PDE4D: variants seen among roughly 807,000 people sequenced by gnomAD.
The protein encoded by PDE4D is 3',5'-cyclic-AMP phosphodiesterase 4D.
Under a neutral mutation model 87.4 loss-of-function variants are expected in PDE4D, and 24 were observed. The observed-to-expected ratio is 0.27, with a 90% CI of 0.20 to 0.39. The LOEUF is 0.39. Ranked by LOEUF, PDE4D falls within the 10% of genes least tolerant of loss-of-function variation. The pLI is 1.00. For synonymous variants in PDE4D, 384 were observed against 383.2 expected (o/e 1.00, Z -0.02); for missense variants, 714 against 1,041.0 (o/e 0.69, Z 4.32).
chr5:59,990,838 G>A (rs1336631874), intron 2 of PDE4D, among the ~76,000 whole-genome samples: 2 of 151,952 alleles, frequency 1.3e-5, no homozygotes, highest in African/African-American at 4.8e-5. Flanking sequence ...ACTTCGCCTG[G>A]GACCTTTTGA....
At chr5:59,994,511 C>G (rs1763336274) in intron 2 of PDE4D, among the ~76,000 whole-genome samples, 1 of 152,084 alleles carries the variant, frequency 6.6e-6, no homozygotes, top group Non-Finnish European at 1.5e-5. Flanking sequence ...TGTTACATTA[C>G]ATGCTCATTG....
At chr5:59,264,117 A>G (rs1762463604) in intron 1 of PDE4D, among the ~76,000 whole-genome samples, 1 of 152,012 alleles carries the variant, frequency 6.6e-6, no homozygotes, top group African/African-American at 2.4e-5. Context: ...GATTAGATAT[A>G]TAGAGTTATG....
At chr5:59,974,981 T>C (rs1324754810) in intron 3 of PDE4D, among the ~76,000 whole-genome samples, 2 of 152,138 alleles carry the variant, frequency 1.3e-5, no homozygotes, top group Non-Finnish European at 2.9e-5. Context: ...CTGTGGTGGA[T>C]TCAGGGTAAG....
intron 1 of PDE4D, among the ~76,000 whole-genome samples, chr5:59,366,952 T>C (rs1783156337): frequency 6.6e-6 from 1 of 152,164 alleles, no homozygotes; most frequent in Non-Finnish European, 1.5e-5. Flanking sequence ...TCAACACAAA[T>C]GATTACTGAA....
At chr5:60,271,842 GCA>G (rs1231719095) in intron 1 of PDE4D, among the ~76,000 whole-genome samples, 1 of 152,078 alleles carries the variant, frequency 6.6e-6, no homozygotes, top group East Asian at 1.9e-4. Context: ...CAAAAGAATG[GCA>G]CACAGTATTG....
chr5:59,371,488 T>C (rs911583267), intron 1 of PDE4D, among the ~76,000 whole-genome samples: 2 of 152,204 alleles, frequency 1.3e-5, no homozygotes, highest in Non-Finnish European at 2.9e-5. Flanking sequence ...ACTATTTGCA[T>C]CTTTTAAACT....
chr5:59,331,313 T>C (rs1776689588), intron 1 of PDE4D, among the ~76,000 whole-genome samples: 2 of 152,120 alleles, frequency 1.3e-5, no homozygotes, highest in Admixed American at 1.3e-4. Context: ...GTGGGGTTGG[T>C]TTCTTCGGGA....
At chr5:59,187,088 T>A (rs1204277685) in intron 3 of PDE4D, among the ~76,000 whole-genome samples, 1 of 151,806 alleles carries the variant, frequency 6.6e-6, no homozygotes, top group Non-Finnish European at 1.5e-5. Context: ...TACATAATAG[T>A]TAAGTTCATT....
At chr5:60,482,696 T>G (rs1479446347) in intron 1 of PDE4D, among the ~76,000 whole-genome samples, 1 of 152,202 alleles carries the variant, frequency 6.6e-6, no homozygotes, top group East Asian at 1.9e-4. Flanking sequence ...ATTTCAGATT[T>G]TATATGTTAT....
At chr5:59,150,629 A>G (rs1444273067) in intron 5 of PDE4D, among the ~76,000 whole-genome samples, 1 of 152,210 alleles carries the variant, frequency 6.6e-6, no homozygotes, top group Non-Finnish European at 1.5e-5. Context: ...TATTGTTTAA[A>G]AAAATGTCTG....
intron 2 of PDE4D, chr5:60,185,443 C>T: frequency 4.9e-6 from 3 of 612,470 alleles, no homozygotes; most frequent in Non-Finnish European, 5.8e-6. Context: ...TGAAAGTTGA[C>T]TAAACGTTTC....
chr5:59,627,684 G>A (rs1262099892), intron 1 of PDE4D, among the ~76,000 whole-genome samples: 2 of 152,098 alleles, frequency 1.3e-5, no homozygotes, highest in African/African-American at 2.4e-5. Flanking sequence ...TTTATGTGAA[G>A]CCAAAATAGT....
At chr5:59,779,799 G>A (rs997580992) in intron 1 of PDE4D, among the ~76,000 whole-genome samples, 5 of 152,276 alleles carry the variant, frequency 3.3e-5, no homozygotes, top group Middle Eastern at 3.4e-3. Flanking sequence ...CTTGCAAAAC[G>A]CATTGGGAAT....
At chr5:60,296,087 T>A (rs1753355211) in intron 1 of PDE4D, among the ~76,000 whole-genome samples, 1 of 152,124 alleles carries the variant, frequency 6.6e-6, no homozygotes, top group Admixed American at 6.6e-5. Context: ...TTCATGAGGA[T>A]CACCTAAACA....
chr5:59,296,118 C>A (rs547161031), intron 1 of PDE4D, among the ~76,000 whole-genome samples: 243 of 151,894 alleles, frequency 1.6e-3, no homozygotes, highest in Non-Finnish European at 2.3e-3. Context: ...AGTTTGGGGT[C>A]GGGGTGGTTA....
At chr5:59,538,431 A>G (rs1445443526) in intron 1 of PDE4D, among the ~76,000 whole-genome samples, 1 of 152,166 alleles carries the variant, frequency 6.6e-6, no homozygotes, top group Non-Finnish European at 1.5e-5. Flanking sequence ...CTGGACCCCA[A>G]ACTCAGTGAA....
chr5:60,381,587 G>C (rs1036635074), intron 1 of PDE4D, among the ~76,000 whole-genome samples: 1 of 152,172 alleles, frequency 6.6e-6, no homozygotes, highest in African/African-American at 2.4e-5. Context: ...TCCAAGGCCA[G>C]GTGATTCAGA....
chr5:60,057,185 G>A (rs1177113571), intron 2 of PDE4D, among the ~76,000 whole-genome samples: 3 of 151,916 alleles, frequency 2.0e-5, no homozygotes, highest in African/African-American at 7.2e-5. Flanking sequence ...TTTAGATGAT[G>A]AAAGTAAAAC....
chr5:59,895,077 C>G (rs956169096), upstream of PDE4D, among the ~76,000 whole-genome samples: 1 of 152,216 alleles, frequency 6.6e-6, no homozygotes, highest in South Asian at 2.1e-4. Flanking sequence ...TTCCCACACA[C>G]TCAGTCTTAA....
Sources: allele counts gnomAD v4.1 joint callset (sites outside exome capture counted in the v4.1 genomes callset), GRCh38; gene constraint gnomAD v4.1.1; transcripts MANE v1.5; gene names NCBI Gene and HGNC (gene_info 2026-07-23, HGNC 2026-07-21).